The following DGKI variants were observed in gnomAD, a reference collection of about 807,000 sequenced individuals.
The protein encoded by DGKI is diacylglycerol kinase iota.
Under a neutral mutation model 147.5 loss-of-function variants are expected in DGKI, and 55 were observed. That is an observed-to-expected ratio of 0.37 (90% CI 0.30 to 0.47). DGKI has a LOEUF of 0.47. DGKI is among the 20% of genes least tolerant of loss of function. The probability of loss-of-function intolerance (pLI) is 1.00; values close to 1 mark genes in which losing one functional copy is unlikely to be tolerated. For missense variants in DGKI, 1,007 were observed against 1,323.8 expected (o/e 0.76, Z 3.71); for synonymous variants, 469 against 477.1 (o/e 0.98, Z 0.22).
At chr7:137,505,027 C>G (rs962983901) in intron 21 of DGKI, among the ~76,000 whole-genome samples, 1 of 141,806 alleles carries the variant, frequency 7.1e-6, no homozygotes, top group African/African-American at 2.6e-5. Context: ...ATCACAAGGA[C>G]AGAAAACCAA....
chr7:137,441,306 A>G (rs1476585904), intron 28 of DGKI, among the ~76,000 whole-genome samples: 2 of 151,868 alleles, frequency 1.3e-5, no homozygotes, highest in African/African-American at 4.8e-5. Flanking sequence ...CTGTAGTCCC[A>G]GCTACTTGGG....
chr7:137,728,277 A>T (rs889115601), intron 1 of DGKI, among the ~76,000 whole-genome samples: 1 of 152,116 alleles, frequency 6.6e-6, no homozygotes, highest in African/African-American at 2.4e-5. Flanking sequence ...TCCTGGCTGA[A>T]GGCACAAGAG....
chr7:137,707,031 A>G (rs1794058708), intron 1 of DGKI, among the ~76,000 whole-genome samples: 1 of 152,186 alleles, frequency 6.6e-6, no homozygotes, highest in Non-Finnish European at 1.5e-5. Context: ...CAGTCGTGAC[A>G]TGTTAAATCT....
intron 1 of DGKI, among the ~76,000 whole-genome samples, chr7:137,823,266 A>C (rs559245969): frequency 6.4e-4 from 97 of 152,330 alleles, no homozygotes; most frequent in South Asian, 1.5e-3. Context: ...ATTAGAATGG[A>C]ATTTTTCTCA....
chr7:137,765,891 T>C (rs1196851221), intron 1 of DGKI, among the ~76,000 whole-genome samples: 3 of 152,200 alleles, frequency 2.0e-5, no homozygotes, highest in Non-Finnish European at 4.4e-5. Context: ...AAGCTTTATC[T>C]ATGTTCCTAG....
At chr7:137,599,676 G>A in intron 11 of DGKI, 147 bp downstream of exon 11, 1 of 634,856 alleles carries the variant, frequency 1.6e-6, no homozygotes, top group Non-Finnish European at 2.7e-6. Flanking sequence ...GAGAACTTTG[G>A]ATGAAGTTTT....
chr7:137,810,745 GT>G (rs35934165), intron 1 of DGKI, among the ~76,000 whole-genome samples: 76 of 149,778 alleles, frequency 5.1e-4, no homozygotes, highest in African/African-American at 1.5e-3. Flanking sequence ...CCCTGGAGAA[GT>G]TTTTTTTTTA....
chr7:137,590,039 A>G lies in DGKI; in HGVS notation c.1312-2829T>C, dbSNP rs138962200. Among the ~76,000 whole-genome samples, 392 of 152,282 alleles carry G rather than the reference A, an allele frequency of 2.6e-3. 1 individual carries two copies. The highest frequency in any genetic ancestry group is 9.0e-3 in the African/African-American group (376 of 41,564). On this transcript the variant is annotated intron_variant, in intron 12 of 32. Transcript: ENST00000614521. ...GATAGAAAAGAAAAAAAGAAAGAAA[A>G]AAAAAAAAGACGCAGCTTCAATGGG... is the stretch of plus-strand genomic sequence containing the variant.
chr7:137,583,516 A>G (rs1819279058), intron 14 of DGKI, among the ~76,000 whole-genome samples: 1 of 152,120 alleles, frequency 6.6e-6, no homozygotes, highest in Admixed American at 6.5e-5. Context: ...TCATATCCCA[A>G]TTTAGTCTGT....
chr7:137,481,305 A>G (rs1815363780), intron 23 of DGKI, among the ~76,000 whole-genome samples: 1 of 152,134 alleles, frequency 6.6e-6, no homozygotes, highest in Non-Finnish European at 1.5e-5. Context: ...AAGAAGGGAT[A>G]TCATGATTTC....
chr7:137,588,281 C>G (rs1169952733), intron 12 of DGKI, among the ~76,000 whole-genome samples: 1 of 152,076 alleles, frequency 6.6e-6, no homozygotes. Context: ...AATTTTTTGA[C>G]ATGTATTCAT....
At chr7:137,774,964 A>G (rs1796321604) in intron 1 of DGKI, 2 of 152,168 alleles carry the variant, frequency 1.3e-5, no homozygotes, top group African/African-American at 2.4e-5. Context: ...TCTGCCGTCA[A>G]TATCTATAAG....
intron 20 of DGKI, chr7:137,545,980 T>C (rs1585217428): frequency 1.4e-6 from 1 of 701,498 alleles, no homozygotes; most frequent in East Asian, 2.7e-5. Context: ...CAGCAGGGAA[T>C]GAGCAGCGAA....
intron 1 of DGKI, among the ~76,000 whole-genome samples, chr7:137,731,868 C>T (rs1226335933): frequency 2.6e-5 from 4 of 152,048 alleles, no homozygotes; most frequent in Admixed American, 6.6e-5. Context: ...GCTCTCTGTC[C>T]TACACCATGC....
At chr7:137,725,017 G>A (rs1477599934) in intron 1 of DGKI, among the ~76,000 whole-genome samples, 1 of 152,146 alleles carries the variant, frequency 6.6e-6, no homozygotes, top group African/African-American at 2.4e-5. Flanking sequence ...AAAAGCAGAG[G>A]AGAAAAGGGC....
chr7:137,539,823 A>G (rs913619425), intron 20 of DGKI, among the ~76,000 whole-genome samples: 16 of 152,166 alleles, frequency 1.1e-4, no homozygotes, highest in Admixed American at 3.9e-4. Context: ...AATTCTTCAA[A>G]AAAGCCAATA....
intron 30 of DGKI, among the ~76,000 whole-genome samples, chr7:137,399,002 A>ATTTTT (rs10523881): frequency 0.26 from 38,406 of 145,130 alleles, 5,906 homozygotes; most frequent in Non-Finnish European, 0.34. Flanking sequence ...CCAGGGTTCC[A>ATTTTT]TTTTTTTTTT....
chr7:137,808,969 C>A (rs774451032), intron 1 of DGKI, among the ~76,000 whole-genome samples: 1 of 152,120 alleles, frequency 6.6e-6, no homozygotes, highest in Non-Finnish European at 1.5e-5. Flanking sequence ...CCACACCCCC[C>A]CAGGAATGTG....
At chr7:137,718,927 G>C (rs1320158402) in intron 1 of DGKI, among the ~76,000 whole-genome samples, 3 of 152,194 alleles carry the variant, frequency 2.0e-5, no homozygotes, top group African/African-American at 7.2e-5. Context: ...ATGGACTTCT[G>C]TGTAAAATAT....
Sources: gnomAD v4.1 joint callset for allele counts (sites outside exome capture counted in the v4.1 genomes callset) on GRCh38, gnomAD v4.1.1 for gene constraint, MANE v1.5 for transcripts, NCBI Gene and HGNC (gene_info 2026-07-23, HGNC 2026-07-21) for gene names.